FSTL5: variants seen among roughly 807,000 people sequenced by gnomAD.
FSTL5 encodes follistatin-related protein 5.
In FSTL5, 62 loss-of-function variants were observed where a neutral mutation model predicts 89.1. That is an observed-to-expected ratio of 0.70 (90% CI 0.57 to 0.86). The LOEUF (loss-of-function observed/expected upper bound fraction) is 0.86, where lower values mean the gene tolerates loss of function less well. Among genes scored for constraint, FSTL5 ranks in the 40% least tolerant of loss-of-function variants. The probability of loss-of-function intolerance (pLI) is 0.00; values close to 1 mark genes in which losing one functional copy is unlikely to be tolerated. For synonymous variants in FSTL5, 383 were observed against 346.2 expected (o/e 1.11, Z -1.18); for missense variants, 1,057 against 1,001.6 (o/e 1.06, Z -0.75).
At chr4:161,866,462 T>A (rs1291213366) in intron 4 of FSTL5, among the ~76,000 whole-genome samples, 1 of 78,688 alleles carries the variant, frequency 1.3e-5, no homozygotes, top group African/African-American at 4.5e-5. Flanking sequence ...TGTTCTAAGC[T>A]GTAGTGTGTG....
At chr4:161,641,221 TA>T in intron 7 of FSTL5, among the ~76,000 whole-genome samples, 1 of 152,222 alleles carries the variant, frequency 6.6e-6, no homozygotes, top group African/African-American at 2.4e-5. Context: ...AGAATCTCAA[TA>T]AAGGTAAATG....
At chr4:162,065,723 A>G (rs368638709) in intron 2 of FSTL5, among the ~76,000 whole-genome samples, 1 of 152,112 alleles carries the variant, frequency 6.6e-6, no homozygotes. Flanking sequence ...CATAGCCAAA[A>G]TAAATGAAAT....
At chr4:161,810,987 T>C (rs1299361767) in intron 4 of FSTL5, among the ~76,000 whole-genome samples, 6 of 152,156 alleles carry the variant, frequency 3.9e-5, no homozygotes, top group Non-Finnish European at 8.8e-5. Flanking sequence ...ATGTTTCACA[T>C]GAATTTCCTC....
intron 7 of FSTL5, among the ~76,000 whole-genome samples, chr4:161,633,884 T>C (rs1735591793): frequency 6.6e-6 from 1 of 152,200 alleles, no homozygotes; most frequent in Non-Finnish European, 1.5e-5. Flanking sequence ...AGCAGAGATG[T>C]ATGTAATTTG....
At chr4:161,642,809 G>GA (rs397775842) in intron 7 of FSTL5, among the ~76,000 whole-genome samples, 1 of 151,586 alleles carries the variant, frequency 6.6e-6, no homozygotes, top group East Asian at 1.9e-4. Flanking sequence ...GATAGAATGG[G>GA]CATTTGTGTT....
At chr4:161,649,824 C>A (rs1251003063) in intron 7 of FSTL5, among the ~76,000 whole-genome samples, 1 of 152,148 alleles carries the variant, frequency 6.6e-6, no homozygotes, top group Admixed American at 6.5e-5. Flanking sequence ...TTTACAACAG[C>A]AACAATAAGT....
At chr4:162,140,954 A>AG (rs1369846707) in intron 1 of FSTL5, among the ~76,000 whole-genome samples, 1 of 151,934 alleles carries the variant, frequency 6.6e-6, no homozygotes, top group African/African-American at 2.4e-5. Flanking sequence ...TGTTGGTGGT[A>AG]GGGCCTGGTG....
intron 5 of FSTL5, among the ~76,000 whole-genome samples, chr4:161,770,486 C>T (rs1741169185): frequency 1.3e-5 from 2 of 151,582 alleles, no homozygotes; most frequent in South Asian, 4.2e-4. Context: ...CTACTATGTA[C>T]TCATAAAAAT....
At chr4:161,680,056 T>C (rs1363468234) in intron 6 of FSTL5, among the ~76,000 whole-genome samples, 1 of 151,904 alleles carries the variant, frequency 6.6e-6, no homozygotes, top group Non-Finnish European at 1.5e-5. Context: ...CATAATTTCA[T>C]GATGTAAAGT....
intron 2 of FSTL5, among the ~76,000 whole-genome samples, chr4:162,082,363 G>GT: frequency 6.6e-6 from 1 of 151,642 alleles, no homozygotes; most frequent in South Asian, 2.1e-4. Flanking sequence ...GTTCACGTAT[G>GT]TTATTGTTTA....
intron 15 of FSTL5, among the ~76,000 whole-genome samples, chr4:161,396,515 G>A (rs373710273): frequency 2.0e-5 from 3 of 150,476 alleles, no homozygotes; most frequent in South Asian, 2.1e-4. Flanking sequence ...TTAGCTAGAC[G>A]TGGTGGCATG....
intron 4 of FSTL5, among the ~76,000 whole-genome samples, chr4:161,893,867 T>A (rs1733067378): frequency 6.6e-6 from 1 of 152,178 alleles, no homozygotes; most frequent in African/African-American, 2.4e-5. Context: ...CCCTAAAGAT[T>A]CAATATCCTG....
chr4:161,891,758 T>A (rs1431257767), intron 4 of FSTL5, among the ~76,000 whole-genome samples: 1 of 152,090 alleles, frequency 6.6e-6, no homozygotes, highest in Non-Finnish European at 1.5e-5. Flanking sequence ...AATCTCATTA[T>A]GTCCAAATTT....
At chr4:162,154,780 A>T (rs1224781992) in intron 1 of FSTL5, among the ~76,000 whole-genome samples, 2 of 152,104 alleles carry the variant, frequency 1.3e-5, no homozygotes, top group African/African-American at 4.8e-5. Context: ...CAATTAATTT[A>T]TATATATATG....
chr4:161,440,582 T>C (rs1038775093), intron 15 of FSTL5, among the ~76,000 whole-genome samples: 1 of 152,188 alleles, frequency 6.6e-6, no homozygotes, highest in African/African-American at 2.4e-5. Context: ...CTCCTCATGC[T>C]TTCCTGACTT....
At chr4:161,687,306 C>G (rs1025069391) in intron 6 of FSTL5, among the ~76,000 whole-genome samples, 7 of 152,260 alleles carry the variant, frequency 4.6e-5, no homozygotes, top group Non-Finnish European at 1.0e-4. Context: ...CTTCAGGATA[C>G]AGTCCATTGG....
intron 2 of FSTL5, among the ~76,000 whole-genome samples, chr4:162,046,398 A>G (rs577897934): frequency 2.0e-5 from 3 of 152,264 alleles, no homozygotes; most frequent in Admixed American, 2.0e-4. Context: ...ATGGCAAAGT[A>G]ATTTACTCGG....
At chr4:161,576,941 A>AT (rs1322017502) in intron 8 of FSTL5, among the ~76,000 whole-genome samples, 2 of 152,228 alleles carry the variant, frequency 1.3e-5, no homozygotes, top group African/African-American at 4.8e-5. Flanking sequence ...TAGACCACAA[A>AT]TAGTCTTTTC....
chr4:161,910,628 G>A (rs571884105), intron 4 of FSTL5, among the ~76,000 whole-genome samples: 2 of 152,188 alleles, frequency 1.3e-5, no homozygotes, highest in African/African-American at 2.4e-5. Flanking sequence ...AGGTCAGATA[G>A]TCTGACAACA....
Sources: gnomAD v4.1 joint callset for allele counts (sites outside exome capture counted in the v4.1 genomes callset) on GRCh38, gnomAD v4.1.1 for gene constraint, MANE v1.5 for transcripts, NCBI Gene and HGNC (gene_info 2026-07-23, HGNC 2026-07-21) for gene names.